Variants in CDKL3 observed in about 807,000 individuals in gnomAD.
CDKL3 encodes the protein cyclin-dependent kinase-like 3.
In CDKL3, 65 loss-of-function variants were observed where a neutral mutation model predicts 69.3. That is an observed-to-expected ratio of 0.94 (90% CI 0.77 to 1.15). The LOEUF is 1.15. CDKL3 is among the 50% of genes most tolerant of loss of function. The pLI is 0.00. For synonymous variants in CDKL3, 202 were observed against 221.6 expected (o/e 0.91, Z 0.79); for missense variants, 652 against 689.2 (o/e 0.95, Z 0.61).
chr5:134,347,535 A>G (rs541347823), intron 4 of CDKL3, among the ~76,000 whole-genome samples: 1 of 152,044 alleles, frequency 6.6e-6, no homozygotes, highest in Admixed American at 6.6e-5. Flanking sequence ...AAATAAAAAG[A>G]GCTCTATCCA....
At chr5:134,310,037 C>A (rs1768985414) in intron 7 of CDKL3, among the ~76,000 whole-genome samples, 1 of 152,044 alleles carries the variant, frequency 6.6e-6, no homozygotes, top group Non-Finnish European at 1.5e-5. Context: ...TGCCATGTTG[C>A]CCAGGCTGGT....
intron 9 of CDKL3, among the ~76,000 whole-genome samples, chr5:134,307,310 A>G (rs1180027923): frequency 6.6e-6 from 1 of 152,142 alleles, no homozygotes; most frequent in Non-Finnish European, 1.5e-5. Flanking sequence ...AGCTTTCTCA[A>G]TTTATGAACT....
At chr5:134,371,523 C>T, upstream of CDKL3, 3 of 1,556,250 alleles carry the variant, frequency 1.9e-6, no homozygotes, top group African/African-American at 1.4e-5. Context: ...GTGATTCGGC[C>T]GCCGCGCCGG....
At chr5:134,341,862 C>T (rs868363975) in intron 4 of CDKL3, among the ~76,000 whole-genome samples, 1 of 152,246 alleles carries the variant, frequency 6.6e-6, no homozygotes, top group East Asian at 1.9e-4. Flanking sequence ...AACTGTCACA[C>T]CTGGTCGAAC....
Position 134,350,318 on chromosome 5 carries a change from T to C in CDKL3, c.470A>G (p.Tyr157Cys). 1 of 1,595,186 alleles carries C rather than the reference T, an allele frequency of 6.3e-7. No homozygotes were observed. The highest frequency in any genetic ancestry group is 8.5e-7 in the Non-Finnish European group (1 of 1,170,512). ...CCAGCGTGTGGCCACATAGTCCGTA[T>C]AAATGTCCCCAGGAGCTGCTAGTGT... ...ARTLAAPGDI[Y>C]TDYVATRWYR... Residue 157 changes from tyrosine to cysteine, a missense_variant, in exon 4 of 13, where the codon TAT (tyrosine) becomes TGT (cysteine). By Grantham distance (194) the Tyr-to-Cys change is radical. Coordinates refer to ENST00000265334, the MANE Select transcript of CDKL3 (RefSeq NM_001113575.2).
chr5:134,337,917 G>A (rs1387334362), intron 4 of CDKL3, among the ~76,000 whole-genome samples: 2 of 151,908 alleles, frequency 1.3e-5, no homozygotes, highest in Admixed American at 6.6e-5. Flanking sequence ...GTTAGTGTGA[G>A]TTTATTTTGG....
At chr5:134,344,601 C>A (rs1011660558) in intron 4 of CDKL3, among the ~76,000 whole-genome samples, 6 of 152,118 alleles carry the variant, frequency 3.9e-5, no homozygotes, top group Non-Finnish European at 8.8e-5. Context: ...CAATGAGATA[C>A]CACTTCACAC....
chr5:134,343,968 G>A (rs1317828387), intron 4 of CDKL3, among the ~76,000 whole-genome samples: 7 of 152,128 alleles, frequency 4.6e-5, no homozygotes, highest in Non-Finnish European at 8.8e-5. Flanking sequence ...CTAGGCAGCG[G>A]GCAAGGTGAA....
At position 134,298,486 on chromosome 5, in the gene CDKL3, A is replaced by G. The variant is rs1765519463; in HGVS notation, c.*165T>C. On this transcript the variant is annotated 3_prime_UTR_variant, in exon 13 of 13. Transcript: ENST00000265334. ...ATTATCACATCAACAGAGTCTTAAAAGGGAAAAGAAAACAGTAAATGTTTT... is the reference window on the plus strand; with the variant it reads ...ATTATCACATCAACAGAGTCTTAAAGGGGAAAAGAAAACAGTAAATGTTTT... 1 of 1,407,866 alleles carries G rather than the reference A, an allele frequency of 7.1e-7. No homozygotes were observed. Among genetic ancestry groups the G allele is most frequent in the South Asian group, 1.7e-5 (1 of 58,474 alleles). The allele number at this position is 1,407,866 out of a possible 1,614,324, so 87.2% of individuals were successfully genotyped here.
At chr5:134,311,330 C>T (rs969419824) in intron 7 of CDKL3, among the ~76,000 whole-genome samples, 3 of 152,150 alleles carry the variant, frequency 2.0e-5, no homozygotes, top group African/African-American at 7.2e-5. Flanking sequence ...ATGGCAAAAT[C>T]CCCATCTCTA....
intron 4 of CDKL3, among the ~76,000 whole-genome samples, chr5:134,341,001 G>T (rs2149561396): frequency 6.6e-6 from 1 of 152,196 alleles, no homozygotes; most frequent in East Asian, 1.9e-4. Context: ...GACCAACTGG[G>T]ATTTATTCTA....
At chr5:134,350,831 G>GAA (rs112330114) in intron 3 of CDKL3, among the ~76,000 whole-genome samples, 1 of 82,404 alleles carries the variant, frequency 1.2e-5, no homozygotes, top group Non-Finnish European at 2.9e-5. Flanking sequence ...AGAAAAAAAA[G>GAA]AAAAAAAAAA....
chr5:134,321,972 T>C (rs1223277118), intron 4 of CDKL3, 69 bp from the exon 5 acceptor site: 4 of 850,482 alleles, frequency 4.7e-6, no homozygotes, highest in East Asian at 5.5e-5. Flanking sequence ...CTTAAAAATA[T>C]GTTTAAAGAA....
intron 2 of CDKL3, 128 bp downstream of exon 2, chr5:134,366,231 A>G (rs1015975238): frequency 9.4e-6 from 6 of 637,070 alleles, no homozygotes; most frequent in Non-Finnish European, 1.5e-5. Context: ...AATGTAGATA[A>G]GATAGAGTAT....
At chr5:134,314,936 A>G (rs1770603627) in intron 6 of CDKL3, among the ~76,000 whole-genome samples, 1 of 152,160 alleles carries the variant, frequency 6.6e-6, no homozygotes, top group Admixed American at 6.5e-5. Flanking sequence ...GTGTGTATAC[A>G]TGCATCAAAA....
upstream of CDKL3, chr5:134,371,333 G>A (rs1758380108): frequency 1.2e-5 from 7 of 582,004 alleles, no homozygotes; most frequent in Middle Eastern, 4.6e-4. Context: ...GGGGAACCGC[G>A]CCCCGCTGAA....
chr5:134,313,498 G>A (rs1160220510), intron 6 of CDKL3, among the ~76,000 whole-genome samples: 1 of 152,112 alleles, frequency 6.6e-6, no homozygotes, highest in East Asian at 1.9e-4. Context: ...TACAGATGAG[G>A]AGACTGAGGC....
chr5:134,353,553 CT>C (rs201057745), intron 3 of CDKL3, among the ~76,000 whole-genome samples: 14,747 of 138,720 alleles, frequency 0.11, 945 homozygotes, highest in East Asian at 0.36. Context: ...GATCATGTCA[CT>C]TTTTTTTTTT....
intron 2 of CDKL3, among the ~76,000 whole-genome samples, chr5:134,362,081 A>G (rs1203287871): frequency 1.3e-5 from 2 of 152,250 alleles, no homozygotes; most frequent in African/African-American, 2.4e-5. Context: ...GTATTTACTC[A>G]GATAAACCAT....
Sources: gnomAD v4.1 joint callset for allele counts (sites outside exome capture counted in the v4.1 genomes callset) on GRCh38, gnomAD v4.1.1 for gene constraint, MANE v1.5 for transcripts, NCBI Gene and HGNC (gene_info 2026-07-23, HGNC 2026-07-21) for gene names.